Variants in PDE4D observed in about 807,000 individuals in gnomAD.
PDE4D encodes the protein 3',5'-cyclic-AMP phosphodiesterase 4D.
In PDE4D, 24 loss-of-function variants were observed where a neutral mutation model predicts 87.4. The observed-to-expected ratio is 0.27, with a 90% CI of 0.20 to 0.39. The LOEUF (loss-of-function observed/expected upper bound fraction) is 0.39. Among genes scored for constraint, PDE4D ranks in the 10% least tolerant of loss-of-function variants. The pLI is 1.00. For missense variants in PDE4D, 714 were observed against 1,041.0 expected, an observed-to-expected ratio of 0.69 and a Z score of 4.32; for synonymous variants, 384 against 383.2, an observed-to-expected ratio of 1.00 and a Z score of -0.02.
At chr5:59,798,569 G>A (rs564958870) in intron 1 of PDE4D, among the ~76,000 whole-genome samples, 71 of 152,164 alleles carry the variant, frequency 4.7e-4, no homozygotes, top group African/African-American at 1.6e-3. Flanking sequence ...GGAGAGGTAC[G>A]GAAGGGTAGG....
chr5:60,208,898 C>T (rs940389014), intron 1 of PDE4D, among the ~76,000 whole-genome samples: 12 of 152,024 alleles, frequency 7.9e-5, no homozygotes, highest in East Asian at 5.8e-4. Context: ...CAGGAGGTGC[C>T]GGCAAGACAG....
chr5:59,426,422 C>T (rs550847671), intron 1 of PDE4D, among the ~76,000 whole-genome samples: 7 of 152,076 alleles, frequency 4.6e-5, no homozygotes, highest in South Asian at 2.1e-4. Context: ...TCTGGATCTT[C>T]GTACCCTGCT....
intron 1 of PDE4D, among the ~76,000 whole-genome samples, chr5:59,777,451 A>G (rs1158295545): frequency 3.3e-5 from 5 of 152,186 alleles, no homozygotes; most frequent in Non-Finnish European, 5.9e-5. Flanking sequence ...GAAGATGTAT[A>G]AAGGCAACTG....
intron 1 of PDE4D, among the ~76,000 whole-genome samples, chr5:59,317,162 G>T (rs960332783): frequency 1.3e-5 from 2 of 152,176 alleles, no homozygotes; most frequent in Non-Finnish European, 2.9e-5. Context: ...GACATTTTTG[G>T]CATTTGCCTA....
At chr5:60,387,026 T>C (rs1309273180) in intron 1 of PDE4D, among the ~76,000 whole-genome samples, 3 of 152,186 alleles carry the variant, frequency 2.0e-5, no homozygotes, top group African/African-American at 2.4e-5. Flanking sequence ...GAAAGAAAAA[T>C]AACCACAGTG....
chr5:59,029,503 A>G (rs1406215894), intron 6 of PDE4D, among the ~76,000 whole-genome samples: 1 of 151,894 alleles, frequency 6.6e-6, no homozygotes, highest in Non-Finnish European at 1.5e-5. Context: ...ACATTGATTT[A>G]AACAACTGAA....
At chr5:59,520,129 G>A (rs1306084831) in intron 1 of PDE4D, among the ~76,000 whole-genome samples, 1 of 152,038 alleles carries the variant, frequency 6.6e-6, no homozygotes, top group Non-Finnish European at 1.5e-5. Context: ...TGGGTGTGGT[G>A]GCCAGCACCT....
intron 2 of PDE4D, among the ~76,000 whole-genome samples, chr5:60,089,012 G>C (rs1321684516): frequency 1.3e-5 from 2 of 151,924 alleles, no homozygotes; most frequent in African/African-American, 2.4e-5. Context: ...CAAACAAAAA[G>C]AGCAGAAGTA....
intron 11 of PDE4D, among the ~76,000 whole-genome samples, chr5:58,980,022 T>A (rs1377261594): frequency 6.6e-6 from 1 of 152,234 alleles, no homozygotes; most frequent in East Asian, 1.9e-4. Context: ...TAGGTGCCAT[T>A]GTGTTAAATG....
At chr5:59,241,570 C>A (rs1212661019) in intron 1 of PDE4D, among the ~76,000 whole-genome samples, 1 of 152,196 alleles carries the variant, frequency 6.6e-6, no homozygotes, top group African/African-American at 2.4e-5. Context: ...AGGACACACA[C>A]AAAACTATCA....
chr5:60,463,902 C>A (rs191129413), intron 1 of PDE4D, among the ~76,000 whole-genome samples: 104 of 152,322 alleles, frequency 6.8e-4, no homozygotes, highest in African/African-American at 2.5e-3. Context: ...ATAAAATACA[C>A]ACATACAGCA....
chr5:60,193,838 T>C (rs1467653523), intron 1 of PDE4D, among the ~76,000 whole-genome samples: 1 of 151,438 alleles, frequency 6.6e-6, no homozygotes. Flanking sequence ...CCTCTTAATG[T>C]CTCTCTGAAC....
chr5:59,641,912 A>T (rs1310416838), intron 1 of PDE4D, among the ~76,000 whole-genome samples: 2 of 152,186 alleles, frequency 1.3e-5, no homozygotes, highest in Non-Finnish European at 2.9e-5. Context: ...GTAGCAACTT[A>T]TCTAGGAATT....
chr5:59,700,018 C>A (rs1230740562), intron 1 of PDE4D, among the ~76,000 whole-genome samples: 1 of 152,124 alleles, frequency 6.6e-6, no homozygotes, highest in African/African-American at 2.4e-5. Context: ...TCTAATAGTG[C>A]ATTGAAAATC....
chr5:60,254,227 CA>C (rs1441229621), intron 1 of PDE4D, among the ~76,000 whole-genome samples: 2 of 152,026 alleles, frequency 1.3e-5, no homozygotes, highest in Non-Finnish European at 2.9e-5. Context: ...AGGGTTCAAT[CA>C]GAGATGTTCA....
At chr5:59,214,575 G>A (rs67285388) in intron 2 of PDE4D, among the ~76,000 whole-genome samples, 13,749 of 152,080 alleles carry the variant, frequency 0.09, 1,101 homozygotes, top group East Asian at 0.39. Flanking sequence ...AGACCTCACT[G>A]CTCCACAGAT....
intron 1 of PDE4D, among the ~76,000 whole-genome samples, chr5:59,821,859 C>T (rs928775951): frequency 6.6e-6 from 1 of 152,302 alleles, no homozygotes; most frequent in South Asian, 2.1e-4. Context: ...ACCATAGGCT[C>T]TTACAAGCTG....
chr5:59,753,149 C>T (rs1208301339), intron 1 of PDE4D, among the ~76,000 whole-genome samples: 1 of 152,118 alleles, frequency 6.6e-6, no homozygotes, highest in East Asian at 1.9e-4. Flanking sequence ...CAAAGCAGAA[C>T]TGTAGGGTAA....
At position 60,184,126 on chromosome 5, in the gene PDE4D, T is replaced by C. The variant is rs545111366; in HGVS notation, c.42+1431A>G. Reference sequence around the variant, plus strand: ...GAAGTCTCCTAGCATCATTAAGTAGTCTCAGTTCCTTAAAGTCACCGCTCA... The same window carrying C: ...GAAGTCTCCTAGCATCATTAAGTAGCCTCAGTTCCTTAAAGTCACCGCTCA... On this transcript the variant is annotated intron_variant, in intron 2 of 16. Coordinates refer to the PDE4D transcript ENST00000502484. 2.6e-5 allele frequency among the ~76,000 whole-genome samples: 4 copies of C among 152,304 alleles called. No homozygotes were observed. In the South Asian group the frequency reaches 8.3e-4, roughly 32 times the overall value.
Sources: allele counts gnomAD v4.1 joint callset (sites outside exome capture counted in the v4.1 genomes callset), GRCh38; gene constraint gnomAD v4.1.1; transcripts MANE v1.5; gene names NCBI Gene and HGNC (gene_info 2026-07-23, HGNC 2026-07-21).